Variants in MGMT observed in about 807,000 individuals in gnomAD.
MGMT encodes methylated-DNA--protein-cysteine methyltransferase.
A neutral mutation model predicts 15.9 loss-of-function variants in MGMT; 14 were observed. That is an observed-to-expected ratio of 0.88 (90% CI 0.58 to 1.37). The LOEUF (loss-of-function observed/expected upper bound fraction) is 1.37, where lower values mean the gene tolerates loss of function less well. Among genes scored for constraint, MGMT ranks in the 40% most tolerant of loss-of-function variants. The probability of loss-of-function intolerance (pLI) is 0.00; values close to 1 mark genes in which losing one functional copy is unlikely to be tolerated. For missense variants in MGMT, 282 were observed against 268.1 expected, an observed-to-expected ratio of 1.05 and a Z score of -0.36; for synonymous variants, 130 against 118.2, an observed-to-expected ratio of 1.10 and a Z score of -0.65.
At chr10:129,612,643 A>C (rs1165522233) in intron 2 of MGMT, among the ~76,000 whole-genome samples, 1 of 152,154 alleles carries the variant, frequency 6.6e-6, no homozygotes, top group Non-Finnish European at 1.5e-5. Flanking sequence ...ACCGGAAGAA[A>C]CTGTGCTCCT....
At chr10:129,528,432 T>G (rs1022496345) in intron 1 of MGMT, among the ~76,000 whole-genome samples, 3 of 147,988 alleles carry the variant, frequency 2.0e-5, no homozygotes, top group African/African-American at 7.6e-5. Context: ...GGGATGACAG[T>G]GGCCACTGTG....
At chr10:129,671,418 G>T (rs1313826456) in intron 2 of MGMT, among the ~76,000 whole-genome samples, 2 of 148,998 alleles carry the variant, frequency 1.3e-5, no homozygotes, top group Non-Finnish European at 3.0e-5. Flanking sequence ...GCCTGGGGCT[G>T]GGGCTGGACA....
chr10:129,587,174 G>A (rs908791340), intron 2 of MGMT, among the ~76,000 whole-genome samples: 2 of 151,722 alleles, frequency 1.3e-5, no homozygotes, highest in African/African-American at 4.8e-5. Context: ...TTTATCGCTG[G>A]CTTTGACCAT....
At chr10:129,634,410 A>C (rs1483568727) in intron 2 of MGMT, among the ~76,000 whole-genome samples, 2 of 152,120 alleles carry the variant, frequency 1.3e-5, no homozygotes, top group Non-Finnish European at 2.9e-5. Flanking sequence ...TATTTTGGCT[A>C]TTTCTTCAAA....
chr10:129,487,743 C>T (rs890040192), intron 1 of MGMT, among the ~76,000 whole-genome samples: 4 of 151,932 alleles, frequency 2.6e-5, no homozygotes, highest in Non-Finnish European at 5.9e-5. Context: ...ATTTTCTTCT[C>T]CCAGTTTGTG....
At chr10:129,603,582 T>G (rs887704402) in intron 2 of MGMT, among the ~76,000 whole-genome samples, 2 of 152,248 alleles carry the variant, frequency 1.3e-5, no homozygotes, top group Non-Finnish European at 2.9e-5. Flanking sequence ...CTACTGTAGA[T>G]TTTATTTGCA....
intron 2 of MGMT, among the ~76,000 whole-genome samples, chr10:129,704,763 A>C (rs1479189762): frequency 6.6e-6 from 1 of 151,664 alleles, no homozygotes; most frequent in Non-Finnish European, 1.5e-5. Flanking sequence ...CCCTATGTGC[A>C]TCTCACCCAA....
At chr10:129,701,472 C>T (rs566375753) in intron 2 of MGMT, 27 of 152,146 alleles carry the variant, frequency 1.8e-4, no homozygotes, top group South Asian at 8.3e-4. Flanking sequence ...CCAAGTACAT[C>T]GTGTGTTAAT....
chr10:129,477,579 A>C (rs976516767), intron 1 of MGMT, among the ~76,000 whole-genome samples: 1 of 141,354 alleles, frequency 7.1e-6, no homozygotes, highest in East Asian at 2.1e-4. Flanking sequence ...TTTTCTTAGA[A>C]GAGAAAGAGA....
chr10:129,552,685 A>G (rs977752970), intron 2 of MGMT, among the ~76,000 whole-genome samples: 18 of 152,208 alleles, frequency 1.2e-4, no homozygotes, highest in African/African-American at 3.1e-4. Context: ...CGAGTTCCTG[A>G]GACTTCGGGG....
chr10:129,654,075 C>T (rs997594948), intron 2 of MGMT, among the ~76,000 whole-genome samples: 1 of 152,202 alleles, frequency 6.6e-6, no homozygotes, highest in Non-Finnish European at 1.5e-5. Flanking sequence ...CTACTGCACC[C>T]TCCACGCCTG....
At chr10:129,676,438 C>T (rs1847787014) in intron 2 of MGMT, among the ~76,000 whole-genome samples, 2 of 152,198 alleles carry the variant, frequency 1.3e-5, no homozygotes, top group South Asian at 4.1e-4. Flanking sequence ...GACCCTCTCC[C>T]TCTGGCCAGT....
At chr10:129,541,381 C>T (rs1846041286) in intron 2 of MGMT, among the ~76,000 whole-genome samples, 1 of 152,240 alleles carries the variant, frequency 6.6e-6, no homozygotes, top group Non-Finnish European at 1.5e-5. Context: ...GGAGCAGCTC[C>T]CCCGCGCCAT....
intron 2 of MGMT, among the ~76,000 whole-genome samples, chr10:129,703,387 C>T (rs1848121611): frequency 6.6e-6 from 1 of 152,154 alleles, no homozygotes; most frequent in Non-Finnish European, 1.5e-5. Context: ...CCGTTTTGCT[C>T]AGGGGTGATG....
At chr10:129,722,054 T>C (rs1848378307) in intron 3 of MGMT, among the ~76,000 whole-genome samples, 1 of 151,972 alleles carries the variant, frequency 6.6e-6, no homozygotes, top group Non-Finnish European at 1.5e-5. Context: ...GACAGAGTCC[T>C]ATGTAAAGAT....
At chr10:129,467,676 CT>C (rs1221202240) in intron 1 of MGMT, among the ~76,000 whole-genome samples, 3 of 152,232 alleles carry the variant, frequency 2.0e-5, no homozygotes, top group African/African-American at 7.2e-5. Flanking sequence ...CTGCGCGGGC[CT>C]TGGCTTGCAG....
intron 2 of MGMT, among the ~76,000 whole-genome samples, chr10:129,705,424 C>T (rs1260574684): frequency 1.3e-5 from 2 of 152,168 alleles, no homozygotes; most frequent in East Asian, 1.9e-4. Flanking sequence ...ACCCAAAACA[C>T]GAAAGGCTGT....
chr10:129,614,611 C>T (rs1847001336), intron 2 of MGMT, among the ~76,000 whole-genome samples: 1 of 152,200 alleles, frequency 6.6e-6, no homozygotes, highest in Non-Finnish European at 1.5e-5. Context: ...TCAATATCTG[C>T]TGCTCTGAAG....
At chr10:129,636,761 A>G (rs902675813) in intron 2 of MGMT, among the ~76,000 whole-genome samples, 22 of 152,240 alleles carry the variant, frequency 1.4e-4, no homozygotes, top group African/African-American at 5.1e-4. Flanking sequence ...TGCATTTATG[A>G]GAAAATGTTT....
Sources: gnomAD v4.1 joint callset for allele counts (sites outside exome capture counted in the v4.1 genomes callset) on GRCh38, gnomAD v4.1.1 for gene constraint, MANE v1.5 for transcripts, NCBI Gene and HGNC (gene_info 2026-07-23, HGNC 2026-07-21) for gene names.